The following EYS variants were observed in gnomAD, a reference collection of about 807,000 sequenced individuals.
EYS encodes the protein EGF-like photoreceptor maintenance factor.
Under a neutral mutation model 282.1 loss-of-function variants are expected in EYS, and 250 were observed. The observed-to-expected ratio is 0.89, with a 90% CI of 0.80 to 0.98. EYS has a LOEUF of 0.98. EYS is among the 50% of genes least tolerant of loss of function. The pLI is 0.00. For missense variants in EYS, 4,016 were observed against 3,709.0 expected, an observed-to-expected ratio of 1.08 and a Z score of -2.15; for synonymous variants, 1,355 against 1,282.9, an observed-to-expected ratio of 1.06 and a Z score of -1.20.
chr6:65,218,897 A>C (rs1017959288), intron 12 of EYS, among the ~76,000 whole-genome samples: 2 of 152,128 alleles, frequency 1.3e-5, no homozygotes, highest in African/African-American at 2.4e-5. Flanking sequence ...GCAAAATACC[A>C]AGGATCCAAA....
In EYS at chr6:65,550,185, T is replaced by TGG. The variant is rs1369903941; in HGVS notation, c.-332-54194_-332-54193dup. Among the ~76,000 whole-genome samples, 8 of 37,208 alleles carry TGG rather than the reference T, an allele frequency of 2.2e-4. 3 individuals carry two copies. Among genetic ancestry groups the TGG allele is most frequent in the Non-Finnish European group, 3.2e-4 (8 of 24,904 alleles). The allele number at this position is 37,208 out of a possible 152,430, so 24.4% of individuals were successfully genotyped here. A position where few individuals can be genotyped will look rare whatever the true frequency, so the allele number is the denominator to read the frequency against. On this transcript the variant is annotated intron_variant, in intron 2 of 42. Coordinates refer to ENST00000503581, the MANE Select transcript of EYS (RefSeq NM_001142800.2). Reference sequence around the variant, plus strand: ...TTTTTTTTTTTTTTTTTTTTTTTTTTGGGGATAAGACCATCTTTATTTCCC... The same window carrying TGG: ...TTTTTTTTTTTTTTTTTTTTTTTTTTGGGGGGATAAGACCATCTTTATTTCCC...
At chr6:65,502,638 A>G (rs1436215456) in intron 2 of EYS, among the ~76,000 whole-genome samples, 1 of 151,514 alleles carries the variant, frequency 6.6e-6, no homozygotes, top group Non-Finnish European at 1.5e-5. Flanking sequence ...GATCCTATTC[A>G]GGCTACTACA....
chr6:64,694,773 T>A (rs1028825393), intron 22 of EYS, among the ~76,000 whole-genome samples: 3 of 152,194 alleles, frequency 2.0e-5, no homozygotes, highest in Non-Finnish European at 2.9e-5. Context: ...TTTGTGAGAC[T>A]GGATCAGGAG....
chr6:63,853,231 A>G (rs1194002370), intron 36 of EYS, among the ~76,000 whole-genome samples: 1 of 152,108 alleles, frequency 6.6e-6, no homozygotes, highest in East Asian at 1.9e-4. Context: ...TATTTAGAAA[A>G]CCCCATCGTC....
At chr6:64,104,950 G>A (rs1772958811) in intron 31 of EYS, among the ~76,000 whole-genome samples, 1 of 151,840 alleles carries the variant, frequency 6.6e-6, no homozygotes, top group Non-Finnish European at 1.5e-5. Flanking sequence ...GATAAAGTAT[G>A]AACAGCATCA....
intron 41 of EYS, among the ~76,000 whole-genome samples, chr6:63,745,267 G>A (rs1041079110): frequency 1.4e-4 from 22 of 152,150 alleles, no homozygotes; most frequent in African/African-American, 5.1e-4. Context: ...CAGTGAAAGG[G>A]TGAATTAGAA....
At chr6:64,502,378 C>T (rs978174266) in intron 26 of EYS, among the ~76,000 whole-genome samples, 1 of 151,992 alleles carries the variant, frequency 6.6e-6, no homozygotes, top group African/African-American at 2.4e-5. Context: ...GTAGCTAGGA[C>T]TCCCGGCTAA....
intron 14 of EYS, among the ~76,000 whole-genome samples, chr6:64,977,182 T>C (rs1770498873): frequency 6.6e-6 from 1 of 152,094 alleles, no homozygotes; most frequent in South Asian, 2.1e-4. Context: ...AATGAACCAC[T>C]GCACGTTGCC....
intron 23 of EYS, among the ~76,000 whole-genome samples, chr6:64,622,007 A>T (rs1298102637): frequency 6.6e-6 from 1 of 152,168 alleles, no homozygotes; most frequent in Non-Finnish European, 1.5e-5. Context: ...TCTATAAAAA[A>T]CATCTGAATA....
chr6:64,675,689 AAGTGCTGGG>A (rs1025198826), intron 22 of EYS, among the ~76,000 whole-genome samples: 17 of 151,730 alleles, frequency 1.1e-4, no homozygotes, highest in African/African-American at 3.9e-4. Flanking sequence ...TGGCCTCCCA[AAGTGCTGGG>A]ATTACAGGCA....
At chr6:64,106,990 T>C (rs935740406) in intron 31 of EYS, among the ~76,000 whole-genome samples, 7 of 151,790 alleles carry the variant, frequency 4.6e-5, no homozygotes, top group Non-Finnish European at 8.8e-5. Context: ...ATTTTTGTTA[T>C]AGTATTTTTG....
chr6:65,512,317 C>A (rs1323945528), intron 2 of EYS, among the ~76,000 whole-genome samples: 1 of 151,568 alleles, frequency 6.6e-6, no homozygotes, highest in Non-Finnish European at 1.5e-5. Flanking sequence ...ACGGTGAAAC[C>A]CCATTTCTAC....
chr6:65,319,784 G>A (rs1475869300), intron 11 of EYS, among the ~76,000 whole-genome samples: 5 of 152,110 alleles, frequency 3.3e-5, no homozygotes, highest in Admixed American at 3.3e-4. Context: ...TGTTAAACAG[G>A]GAAGTGGCTG....
chr6:63,974,147 C>T (rs925896115), intron 35 of EYS, among the ~76,000 whole-genome samples: 2 of 152,008 alleles, frequency 1.3e-5, no homozygotes, highest in Admixed American at 1.3e-4. Context: ...GTTTGTCAAG[C>T]TTTTCACACA....
At chr6:64,444,571 T>C (rs937614649) in intron 26 of EYS, among the ~76,000 whole-genome samples, 4 of 152,330 alleles carry the variant, frequency 2.6e-5, no homozygotes, top group Middle Eastern at 3.4e-3. Context: ...ATGCATTCAA[T>C]TGTAAAGTAC....
Position 64,535,696 on chromosome 6 carries a change from G to A in EYS, c.5644+54527C>T, listed in dbSNP as rs2149795978. Among the ~76,000 whole-genome samples, 3 of 151,866 alleles carry A rather than the reference G, an allele frequency of 2.0e-5. No individual in the cohort carries two copies. The Middle Eastern group carries it at 0.01, about 520-fold the overall frequency. On this transcript the variant is annotated intron_variant, in intron 26 of 42. Transcript: ENST00000503581. The stretch of plus-strand genomic sequence containing the variant: ...CGAGGCTGCAGTGAGCCATGATTGT[G>A]CCCGCTGCTCTTCAGCTTGGGCAAC...
At chr6:64,226,430 G>C (rs1766254670) in intron 31 of EYS, among the ~76,000 whole-genome samples, 1 of 151,922 alleles carries the variant, frequency 6.6e-6, no homozygotes, top group South Asian at 2.1e-4. Context: ...TTATAAAACT[G>C]TTTTATAGAA....
intron 31 of EYS, 115 bp from the exon 32 acceptor site, chr6:64,082,117 A>G (rs1239834863): frequency 1.5e-6 from 1 of 647,476 alleles, no homozygotes; most frequent in African/African-American, 1.8e-5. Flanking sequence ...TAGTATTTAA[A>G]ATGTTAGGTC....
chr6:65,268,920 T>C (rs1348710277), intron 12 of EYS, among the ~76,000 whole-genome samples: 1 of 152,098 alleles, frequency 6.6e-6, no homozygotes, highest in Non-Finnish European at 1.5e-5. Flanking sequence ...TGCAGTCAAA[T>C]CAGTAAATTT....
Sources: allele counts gnomAD v4.1 joint callset (sites outside exome capture counted in the v4.1 genomes callset), GRCh38; gene constraint gnomAD v4.1.1; transcripts MANE v1.5; gene names NCBI Gene and HGNC (gene_info 2026-07-23, HGNC 2026-07-21).